Variants in BIRC6 observed in about 807,000 individuals in gnomAD.
The protein encoded by BIRC6 is dual E2 ubiquitin-conjugating enzyme/E3 ubiquitin-protein ligase BIRC6.
In BIRC6, 98 loss-of-function variants were observed where a neutral mutation model predicts 503.3. That is an observed-to-expected ratio of 0.19 (90% CI 0.17 to 0.23). The LOEUF (loss-of-function observed/expected upper bound fraction) is 0.23, where lower values mean the gene tolerates loss of function less well. Ranked by LOEUF, BIRC6 falls within the 10% of genes least tolerant of loss-of-function variation. BIRC6 has a pLI of 1.00. For missense variants in BIRC6, 5,360 were observed against 5,806.0 expected (o/e 0.92, Z 2.50); for synonymous variants, 2,240 against 2,078.7 (o/e 1.08, Z -2.11).
In BIRC6 at chr2:32,475,498, C is replaced by A. The variant is rs150950443; in HGVS notation, c.6721-715C>A. On this transcript the variant is annotated intron_variant, in intron 33 of 73. Transcript: ENST00000421745. Reference sequence around the variant, plus strand: ...AGGATATGAGGGAACCTTGTGGTGGCATTTTTTGGTATTGACTGTTGTGGA... The same window carrying A: ...AGGATATGAGGGAACCTTGTGGTGGAATTTTTTGGTATTGACTGTTGTGGA... Among the ~76,000 whole-genome samples the A allele has an allele frequency of 8.4e-3, 1,280 of 152,224 alleles. 7 individuals are homozygous for A. The highest frequency in any genetic ancestry group is 0.014 in the Middle Eastern group (4 of 294).
At chr2:32,532,420 G>T (rs935309805) in intron 61 of BIRC6, among the ~76,000 whole-genome samples, 5 of 152,048 alleles carry the variant, frequency 3.3e-5, no homozygotes, top group African/African-American at 7.2e-5. Context: ...GTTTGTAGCT[G>T]AATCACTTTA....
chr2:32,492,291 C>G (rs1260252990), intron 44 of BIRC6, among the ~76,000 whole-genome samples: 2 of 152,018 alleles, frequency 1.3e-5, no homozygotes, highest in African/African-American at 4.8e-5. Flanking sequence ...GTTCTAGGTA[C>G]TAGACATACA....
At position 32,578,332 on chromosome 2, in the gene BIRC6, T is replaced by C. The variant is rs2060405112; in HGVS notation, c.13355+2966T>C. 2.0e-5 allele frequency among the ~76,000 whole-genome samples: 3 copies of C among 152,162 alleles called. No individual in the cohort carries two copies. The South Asian group carries it at 6.2e-4, about 32-fold the overall frequency. On this transcript the variant is annotated intron_variant, in intron 66 of 73. Coordinates refer to ENST00000421745, the MANE Select transcript of BIRC6 (RefSeq NM_016252.4). ...AGTGGCCTTAGTTTAATTTTAACACTGACTCAAAGCTCCCCACCCCACCTG... is the reference window on the plus strand; with the variant it reads ...AGTGGCCTTAGTTTAATTTTAACACCGACTCAAAGCTCCCCACCCCACCTG...
chr2:32,481,426 G>A lies in BIRC6; in HGVS notation c.7515G>A (p.Lys2505=). The A allele has an allele frequency of 1.2e-6, 2 of 1,611,910 alleles. No homozygotes were observed. Among genetic ancestry groups the A allele is most frequent in the South Asian group, 1.1e-5 (1 of 90,784 alleles). ...ATCCTTTAGATATTGATTTGGAAAA[G>A]GACCCTCTTGCAGCCAAGGTTTTTA... ...DIDPLDIDLE[K]DPLAAKVFKP... is the part of the protein sequence containing the mutation. Residue 2505 remains lysine, a synonymous_variant, in exon 38 of 74, where the codon AAG becomes AAA. Transcript: ENST00000421745.
chr2:32,589,773 ACT>A (rs779151005), intron 66 of BIRC6, among the ~76,000 whole-genome samples: 17 of 152,118 alleles, frequency 1.1e-4, no homozygotes, highest in Non-Finnish European at 2.2e-4. Flanking sequence ...ATTTGTGGCA[ACT>A]CTATTTAACA....
intron 9 of BIRC6, among the ~76,000 whole-genome samples, chr2:32,414,431 C>T (rs899281532): frequency 2.0e-5 from 3 of 152,234 alleles, no homozygotes; most frequent in African/African-American, 4.8e-5. Context: ...CTTTGGGAGG[C>T]TGAGGTGGGT....
rs533890208 is a variant in BIRC6 at position 32,515,230 on chromosome 2, C to T, written c.10809C>T (p.Leu3603=). The T allele has an allele frequency of 3.8e-5, 62 of 1,613,856 alleles. No homozygotes were observed. The highest frequency in any genetic ancestry group is 6.6e-5 in the South Asian group (6 of 91,074). The stretch of plus-strand genomic sequence containing the variant: ...ACTCTAAAAATGCACAAGCACCTCT[C>T]GCATTAACTGAATCACATTTGGCTA... The part of the protein sequence containing the change: ...TDDSKNAQAP[L]ALTESHLATL... Residue 3603 remains leucine (L), a synonymous_variant, in exon 55 of 74, where the codon CTC becomes CTT. Coordinates refer to ENST00000421745, the MANE Select transcript of BIRC6 (RefSeq NM_016252.4).
In BIRC6 at chr2:32,508,135, C is replaced by T. The variant is rs372922939; in HGVS notation, c.9856C>T (p.Arg3286Trp). The T allele has an allele frequency of 2.8e-5, 45 of 1,613,726 alleles. No individual in the cohort carries two copies. The highest frequency in any genetic ancestry group is 2.2e-4 in the East Asian group (10 of 44,888). ...TGTCTGCCTTAGACTACATCGTCCA[C>T]GGGATGCCAGCACATTAGGCCTTTC... ...SAVCLRLHRP[R>W]DASTLGLSQI... The change falls in exon 51 of 74, where the codon CGG becomes TGG. Residue 3286 changes from arginine (R) to tryptophan (W), a missense_variant. Physicochemically the swap from Arg to Trp is moderately radical, Grantham distance 101. Coordinates refer to ENST00000421745, the MANE Select transcript of BIRC6 (RefSeq NM_016252.4).
chr2:32,601,143 G>A (rs2062027655), intron 70 of BIRC6, among the ~76,000 whole-genome samples: 1 of 152,220 alleles, frequency 6.6e-6, no homozygotes, highest in Admixed American at 6.5e-5. Context: ...ATGTATGACA[G>A]CACTTTGAAT....
rs1163344129 is a variant in BIRC6, at chr2:32,357,302, G to A, written c.141G>A (p.Ala47=). 6.6e-7 allele frequency: 1 copy of A among 1,525,874 alleles called. No individual in the cohort carries two copies. Among genetic ancestry groups the A allele is most frequent in the South Asian group, 1.2e-5 (1 of 82,258 alleles). The allele number at this position is 1,525,874 out of a possible 1,614,324, so 94.5% of individuals were successfully genotyped here. A position where few individuals can be genotyped will look rare whatever the true frequency, so the allele number is the denominator to read the frequency against. ...SGPGCSSAAG[A]GAAGVSEWLV... ...CCGGCTGCTCCTCGGCGGCGGGGGC[G>A]GGGGCGGCCGGGGTCTCAGAGTGGC... is the stretch of plus-strand genomic sequence containing the variant. Residue 47 remains alanine (A), a synonymous_variant, in exon 1 of 74, where the codon GCG becomes GCA. Coordinates refer to ENST00000421745, the MANE Select transcript of BIRC6 (RefSeq NM_016252.4). The surrounding 1 kb of genome is among the most constrained non-coding windows in gnomAD (Gnocchi z 4.9).
chr2:32,501,672 GAT>G (rs771329145), intron 46 of BIRC6, 39 bp from the exon 47 acceptor site: 2 of 1,547,676 alleles, frequency 1.3e-6, no homozygotes. Flanking sequence ...CGCCTGGCTG[GAT>G]ATATATACTT....
intron 1 of BIRC6, among the ~76,000 whole-genome samples, chr2:32,373,116 A>G (rs2036216161): frequency 6.6e-6 from 1 of 152,152 alleles, no homozygotes; most frequent in Non-Finnish European, 1.5e-5. Context: ...TACTATCTTT[A>G]TATTGTTAAG....
rs139279930 is a variant in BIRC6 at position 32,423,657 on chromosome 2, T to C, written c.2873-5489T>C. Among the ~76,000 whole-genome samples the C allele has an allele frequency of 7.7e-3, 1,169 of 152,346 alleles. 8 individuals are homozygous for C. Among genetic ancestry groups the C allele is most frequent in the Middle Eastern group, 0.02 (6 of 294 alleles). ...CTTTTTATGCCAAATAATATTCCAT[T>C]ACAGTAGGGCCCATCCACCCCCCCA... On this transcript the variant is annotated intron_variant, in intron 10 of 73. Transcript: ENST00000421745.
At chr2:32,514,868 T>A (rs1222766474) in intron 54 of BIRC6, 122 bp from the exon 55 acceptor site, 1 of 714,020 alleles carries the variant, frequency 1.4e-6, no homozygotes, top group Non-Finnish European at 2.3e-6. Flanking sequence ...CAATGTTTTA[T>A]TATTCAATGT....
At chr2:32,509,580 T>G in intron 51 of BIRC6, 158 bp from the exon 52 acceptor site, 1 of 800,556 alleles carries the variant, frequency 1.2e-6, no homozygotes, top group African/African-American at 1.7e-5. Context: ...GGAAACTTAC[T>G]GTCTGTTTAC....
chr2:32,518,105 A>T (rs768302301), intron 55 of BIRC6, 149 bp from the exon 56 acceptor site: 9 of 682,528 alleles, frequency 1.3e-5, no homozygotes, highest in Non-Finnish European at 2.1e-5. Flanking sequence ...AAACTTAACT[A>T]CTAGACCCCC....
chr2:32,383,331 A>G (rs1179453637), intron 3 of BIRC6, among the ~76,000 whole-genome samples: 1 of 151,932 alleles, frequency 6.6e-6, no homozygotes, highest in African/African-American at 2.4e-5. Context: ...GCGTGAGCCT[A>G]GTCCTCAGTT....
Position 32,518,850 on chromosome 2 carries a change from G to T in BIRC6, c.11527G>T (p.Val3843Phe). 1 of 1,613,352 alleles carries T rather than the reference G, an allele frequency of 6.2e-7. No individual in the cohort carries two copies. The highest frequency in any genetic ancestry group is 8.5e-7 in the Non-Finnish European group (1 of 1,179,476). Residue 3843 changes from valine to phenylalanine, a missense_variant, in exon 57 of 74, where the codon GTC becomes TTC. Val to Phe is a conservative substitution (Grantham distance 50). Transcript: ENST00000421745. ...AGGTAGAATTAATGCTACTAGCCAC[G>T]TCATCCAGCATCCAATGTATGGAGC... The part of the protein sequence containing the change: ...YKGRINATSH[V>F]IQHPMYGAGH...
intron 9 of BIRC6, among the ~76,000 whole-genome samples, chr2:32,411,401 A>T (rs532348117): frequency 0.03 from 666 of 22,088 alleles, 5 homozygotes; most frequent in African/African-American, 0.16. Context: ...TAAGGCAATT[A>T]TATATATATA....
Sources: gnomAD v4.1 joint callset for allele counts (sites outside exome capture counted in the v4.1 genomes callset) on GRCh38, gnomAD v4.1.1 for gene constraint, Gnocchi (gnomAD v3.1) non-coding constraint, MANE v1.5 for transcripts, NCBI Gene and HGNC (gene_info 2026-07-23, HGNC 2026-07-21) for gene names.